Variants in CDC27 observed in about 807,000 individuals in gnomAD.
CDC27 encodes the protein cell division cycle 27.
In CDC27, 27 loss-of-function variants were observed where a neutral mutation model predicts 109.7. The observed-to-expected ratio is 0.25, with a 90% CI of 0.18 to 0.34. The LOEUF (loss-of-function observed/expected upper bound fraction) is 0.34. Among genes scored for constraint, CDC27 ranks in the 10% least tolerant of loss-of-function variants. The pLI, the probability that CDC27 is intolerant of heterozygous loss-of-function variation, is 1.00. For synonymous variants in CDC27, 266 were observed against 333.9 expected (o/e 0.80, Z 2.22); for missense variants, 579 against 960.2 (o/e 0.60, Z 5.25).
chr17:47,153,939 A>T (rs895016627), intron 8 of CDC27, among the ~76,000 whole-genome samples: 1 of 152,048 alleles, frequency 6.6e-6, no homozygotes, highest in Admixed American at 6.5e-5. Context: ...AGTTAAAAAA[A>T]TTAGCTGGGT....
At chr17:47,155,255 T>C (rs187488034) in intron 7 of CDC27, among the ~76,000 whole-genome samples, 56 of 152,250 alleles carry the variant, frequency 3.7e-4, no homozygotes, top group African/African-American at 1.2e-3. Context: ...TATATGTATA[T>C]ATTTTTTTGA....
chr17:47,175,686 C>CAT (rs1447482788), intron 2 of CDC27, among the ~76,000 whole-genome samples: 1 of 152,120 alleles, frequency 6.6e-6, no homozygotes, highest in Non-Finnish European at 1.5e-5. Context: ...CATAGTGGTG[C>CAT]ATGTCTGTAA....
chr17:47,166,721 T>C (rs973942963), intron 4 of CDC27, among the ~76,000 whole-genome samples: 1 of 152,246 alleles, frequency 6.6e-6, no homozygotes, highest in Non-Finnish European at 1.5e-5. Context: ...AACAAACATT[T>C]AGTGCTATAA....
chr17:47,148,059 G>A (rs984263958), intron 9 of CDC27, among the ~76,000 whole-genome samples: 3 of 151,594 alleles, frequency 2.0e-5, no homozygotes, highest in Non-Finnish European at 2.9e-5. Flanking sequence ...TTAGCAGGGC[G>A]CAGTGGCACA....
intron 4 of CDC27, chr17:47,159,702 C>G: frequency 2.4e-6 from 1 of 420,662 alleles, no homozygotes; most frequent in East Asian, 6.4e-5. Flanking sequence ...ACAAACGCCT[C>G]GAACCTGGTG....
At chr17:47,122,808 G>A (rs952551870) in intron 17 of CDC27, among the ~76,000 whole-genome samples, 9 of 152,010 alleles carry the variant, frequency 5.9e-5, no homozygotes, top group Non-Finnish European at 7.4e-5. Flanking sequence ...TGAGTAGCTC[G>A]GACTACAGGT....
Position 47,169,908 on chromosome 17 carries a change from C to T in CDC27, c.377+9G>A, listed in dbSNP as rs2063764195. 6.4e-7 allele frequency: 1 copy of T among 1,564,126 alleles called. No individual in the cohort carries two copies. Among genetic ancestry groups the T allele is most frequent in the Non-Finnish European group, 8.6e-7 (1 of 1,161,970 alleles). On this transcript the variant is annotated intron_variant, in intron 4 of 18. Coordinates refer to ENST00000066544, the MANE Select transcript of CDC27 (RefSeq NM_001256.6). ...TGCTTTTCTGACAGTTTGAATCATT[C>T]TTACTTACCAATATACATGTCCCAA... is the stretch of plus-strand genomic sequence containing the variant.
chr17:47,134,480 T>TTTTG (rs2062508139), intron 14 of CDC27, among the ~76,000 whole-genome samples: 1 of 151,438 alleles, frequency 6.6e-6, no homozygotes, highest in Admixed American at 6.6e-5. Context: ...AATTGTTTTT[T>TTTTG]TTTTGTTTTG....
rs1344245315 is a variant in CDC27 at position 47,132,300 on chromosome 17, T to G, written c.1988A>C (p.Asp663Ala). ...TAAAACTGAACTTTGAGGGTTGATA[T>G]CAAGCGCTTTTTGGAAATGCATTTC... ...LAEMHFQKALDINPQSSVLLC... is the reference protein window; with the variant it reads ...LAEMHFQKALAINPQSSVLLC... Residue 663 changes from aspartate (D) to alanine (A), a missense_variant, in exon 15 of 19, where the codon GAT (aspartate) becomes GCT (alanine). Physicochemically the swap from Asp to Ala is moderately radical, Grantham distance 126. Coordinates refer to ENST00000066544, the MANE Select transcript of CDC27 (RefSeq NM_001256.6). 1.2e-6 allele frequency: 2 copies of G among 1,604,758 alleles called. No individual in the cohort carries two copies. Among genetic ancestry groups the G allele is most frequent in the Admixed American group, 3.4e-5 (2 of 59,262 alleles).
In CDC27 at chr17:47,127,714, G is replaced by T. The variant is rs577404810; in HGVS notation, c.2160+1679C>A. 3.1e-4 allele frequency among the ~76,000 whole-genome samples: 46 copies of T among 149,670 alleles called. No individual in the cohort carries two copies. The South Asian group carries it at 5.7e-3, about 18-fold the overall frequency. On this transcript the variant is annotated intron_variant, in intron 16 of 18. Transcript: ENST00000066544. ...CTGTGCCTGGCCCTATTTTTTTTTT[G>T]TTTTTTAAGACAGGGTCTAGCTTTG...
chr17:47,157,612 A>ATG (rs1951276267), intron 5 of CDC27, among the ~76,000 whole-genome samples: 1 of 152,214 alleles, frequency 6.6e-6, no homozygotes, highest in African/African-American at 2.4e-5. Context: ...CAAGAACACT[A>ATG]ATTTTAAACA....
At chr17:47,179,328 T>C (rs2064136585) in intron 2 of CDC27, among the ~76,000 whole-genome samples, 1 of 93,150 alleles carries the variant, frequency 1.1e-5, no homozygotes, top group African/African-American at 3.5e-5. Flanking sequence ...TCAACTGATA[T>C]TGTCCACCAA....
chr17:47,148,332 G>C (rs1598471939), intron 9 of CDC27, among the ~76,000 whole-genome samples: 1 of 152,122 alleles, frequency 6.6e-6, no homozygotes, highest in Admixed American at 6.6e-5. Context: ...TGACACTGCT[G>C]AAGAAACATT....
At chr17:47,122,893 C>G (rs1290216592) in intron 17 of CDC27, among the ~76,000 whole-genome samples, 5 of 152,104 alleles carry the variant, frequency 3.3e-5, no homozygotes, top group African/African-American at 9.7e-5. Context: ...AGGCTACTCT[C>G]AAACTCCTGA....
In CDC27 at chr17:47,120,992, G is replaced by A; in HGVS notation, c.2418C>T (p.Ser806=). Residue 806 remains serine, a synonymous_variant, in exon 19 of 19, where the codon AGC becomes AGT. Coordinates refer to ENST00000066544, the MANE Select transcript of CDC27 (RefSeq NM_001256.6). ...QIMGTDESQE[S]SMTDADDTQL... Reference sequence around the variant, plus strand: ...GTGTGTCATCCGCATCTGTCATGCTGCTCTCCTGGGATTCATCTGTTCCCA... The same window carrying A: ...GTGTGTCATCCGCATCTGTCATGCTACTCTCCTGGGATTCATCTGTTCCCA... 2 of 1,612,134 alleles carry A rather than the reference G, an allele frequency of 1.2e-6. No individual in the cohort carries two copies. The highest frequency in any genetic ancestry group is 1.1e-5 in the South Asian group (1 of 90,824).
At chr17:47,139,667 G>A (rs1292475426) in intron 12 of CDC27, 1 of 151,990 alleles carries the variant, frequency 6.6e-6, no homozygotes, top group African/African-American at 2.4e-5. Flanking sequence ...AAAATTTAGA[G>A]GGAAGAAACA....
chr17:47,137,269 T>C lies in CDC27; in HGVS notation c.1796A>G (p.Asn599Ser), dbSNP rs2062642643. The stretch of plus-strand genomic sequence containing the variant: ...TAATAGAGTATAGGCATAAGCGTAA[T>C]TTGGATCAACTTGGATAGCTCTCTG... ...FFQRAIQVDP[N>S]YAYAYTLLGH... The change falls in exon 14 of 19, where the codon AAT becomes AGT. Residue 599 changes from asparagine to serine, a missense_variant. Physicochemically the swap from Asn to Ser is conservative, Grantham distance 46 (BLOSUM62 1). Coordinates refer to ENST00000066544, the MANE Select transcript of CDC27 (RefSeq NM_001256.6). The C allele has an allele frequency of 1.2e-6, 2 of 1,611,926 alleles. No individual in the cohort carries two copies. Among genetic ancestry groups the C allele is most frequent in the Admixed American group, 1.7e-5 (1 of 59,900 alleles).
intron 1 of CDC27, among the ~76,000 whole-genome samples, chr17:47,186,721 T>C (rs2064451826): frequency 2.0e-5 from 3 of 152,262 alleles, no homozygotes; most frequent in Admixed American, 1.3e-4. Flanking sequence ...TAGGCATATA[T>C]GGTATATCGG....
chr17:47,163,394 TTGA>T (rs1394946651), intron 4 of CDC27, among the ~76,000 whole-genome samples: 37 of 152,276 alleles, frequency 2.4e-4, no homozygotes, highest in African/African-American at 7.9e-4. Flanking sequence ...TCTTTTAATC[TTGA>T]TGATGAATAA....
Sources: allele counts gnomAD v4.1 joint callset (sites outside exome capture counted in the v4.1 genomes callset), GRCh38; gene constraint gnomAD v4.1.1; transcripts MANE v1.5; gene names NCBI Gene and HGNC (gene_info 2026-07-23, HGNC 2026-07-21).